Variants in MAMDC2 observed in about 807,000 individuals in gnomAD.
MAMDC2 encodes MAM domain-containing protein 2.
MAMDC2 carries 57 observed loss-of-function variants against 89.8 expected under a neutral mutation model. The ratio of observed to expected loss-of-function variants is 0.63; its 90% CI spans 0.51 to 0.79. The LOEUF (loss-of-function observed/expected upper bound fraction) is 0.79. MAMDC2 is among the 30% of genes least tolerant of loss of function. MAMDC2 has a pLI of 0.00. For synonymous variants in MAMDC2, 313 were observed against 293.4 expected (o/e 1.07, Z -0.68); for missense variants, 800 against 820.6 (o/e 0.97, Z 0.31).
chr9:70,045,351 G>A (rs1484420979), intron 2 of MAMDC2, among the ~76,000 whole-genome samples: 1 of 152,116 alleles, frequency 6.6e-6, no homozygotes, highest in Non-Finnish European at 1.5e-5. Context: ...TAAATGTGGG[G>A]TCTTCTGAAG....
chr9:70,126,823 A>G (rs1403396662), intron 6 of MAMDC2, among the ~76,000 whole-genome samples: 1 of 149,152 alleles, frequency 6.7e-6, no homozygotes, highest in Non-Finnish European at 1.5e-5. Context: ...ACTTGAGTGA[A>G]CTGTTTTTTT....
At chr9:70,124,527 G>T (rs757087055) in intron 5 of MAMDC2, among the ~76,000 whole-genome samples, 1 of 152,084 alleles carries the variant, frequency 6.6e-6, no homozygotes, top group Non-Finnish European at 1.5e-5. Flanking sequence ...CTTCTGCCAT[G>T]TTGAGATGAG....
At chr9:70,194,303 T>A (rs2032937681) in intron 11 of MAMDC2, 1 of 152,108 alleles carries the variant, frequency 6.6e-6, no homozygotes, top group Non-Finnish European at 1.5e-5. Flanking sequence ...ATTTCAGGTG[T>A]TGAAACTTAA....
At chr9:70,164,049 C>A (rs2032081957) in intron 9 of MAMDC2, among the ~76,000 whole-genome samples, 1 of 151,958 alleles carries the variant, frequency 6.6e-6, no homozygotes, top group Non-Finnish European at 1.5e-5. Context: ...ATAATCCACA[C>A]AGCAGTTTTC....
At chr9:70,082,054 C>T (rs1360267128) in intron 2 of MAMDC2, 1 of 152,094 alleles carries the variant, frequency 6.6e-6, no homozygotes, top group African/African-American at 2.4e-5. Flanking sequence ...GTGTCATCCA[C>T]AAGATGAGTG....
At chr9:70,138,360 G>A (rs1563970774) in intron 7 of MAMDC2, among the ~76,000 whole-genome samples, 1 of 152,162 alleles carries the variant, frequency 6.6e-6, no homozygotes, top group Non-Finnish European at 1.5e-5. Context: ...ATAGTGCTAA[G>A]ATAAACATAC....
intron 11 of MAMDC2, among the ~76,000 whole-genome samples, chr9:70,217,903 TATTC>T (rs1468500910): frequency 1.3e-5 from 2 of 152,228 alleles, no homozygotes; most frequent in African/African-American, 4.8e-5. Flanking sequence ...GTTTAGAGAT[TATTC>T]ATTAGACCAG....
intron 11 of MAMDC2, among the ~76,000 whole-genome samples, chr9:70,171,841 T>A (rs1225972514): frequency 2.0e-5 from 3 of 152,024 alleles, no homozygotes; most frequent in Non-Finnish European, 4.4e-5. Context: ...CTAAAAAAAA[T>A]TGCAAAAAAA....
At chr9:70,109,170 CTTCT>C (rs1453619840) in intron 3 of MAMDC2, 1 of 152,564 alleles carries the variant, frequency 6.6e-6, no homozygotes, top group Non-Finnish European at 1.5e-5. Context: ...TCCCATCCCA[CTTCT>C]TTGAAAGGCT....
At chr9:70,061,188 T>G (rs1213268971) in intron 2 of MAMDC2, among the ~76,000 whole-genome samples, 1 of 152,208 alleles carries the variant, frequency 6.6e-6, no homozygotes, top group Non-Finnish European at 1.5e-5. Flanking sequence ...CTGCCATTTA[T>G]CATGGGCCCC....
At chr9:70,147,226 C>A (rs550994714) in intron 9 of MAMDC2, among the ~76,000 whole-genome samples, 2 of 150,316 alleles carry the variant, frequency 1.3e-5, no homozygotes, top group Admixed American at 6.7e-5. Flanking sequence ...CCACTGTGCT[C>A]CAGCCTGGGT....
At chr9:70,047,811 T>C (rs1035380456) in intron 2 of MAMDC2, among the ~76,000 whole-genome samples, 3 of 152,204 alleles carry the variant, frequency 2.0e-5, no homozygotes, top group Admixed American at 6.5e-5. Flanking sequence ...CTGGAGGTAG[T>C]TGGAAAAGTC....
At chr9:70,146,473 C>T (rs1206076316) in intron 9 of MAMDC2, among the ~76,000 whole-genome samples, 1 of 152,102 alleles carries the variant, frequency 6.6e-6, no homozygotes, top group Non-Finnish European at 1.5e-5. Flanking sequence ...AGCAAAAGAA[C>T]CATTTGACAT....
At chr9:70,207,495 A>C (rs1002555050) in intron 11 of MAMDC2, among the ~76,000 whole-genome samples, 2 of 149,968 alleles carry the variant, frequency 1.3e-5, no homozygotes, top group African/African-American at 4.9e-5. Context: ...TTTTCTTGTT[A>C]ATTTGTTTTA....
intron 6 of MAMDC2, 46 bp downstream of exon 6, chr9:70,126,461 C>T (rs1370622480): frequency 1.1e-5 from 18 of 1,574,094 alleles, no homozygotes; most frequent in Non-Finnish European, 1.6e-5. Flanking sequence ...ACTCTTTAGA[C>T]ATGCCACCCA....
intron 11 of MAMDC2, among the ~76,000 whole-genome samples, chr9:70,197,771 ACTGACAT>A: frequency 6.6e-6 from 1 of 152,178 alleles, no homozygotes; most frequent in Non-Finnish European, 1.5e-5. Flanking sequence ...ATCCCCAAAC[ACTGACAT>A]CATCTTCTCC....
intron 6 of MAMDC2, among the ~76,000 whole-genome samples, chr9:70,129,444 T>C (rs1400201353): frequency 6.6e-6 from 1 of 152,186 alleles, no homozygotes; most frequent in Non-Finnish European, 1.5e-5. Flanking sequence ...TCTCGGTATG[T>C]CTTTATCAGC....
At chr9:70,099,556 T>A (rs1471876577) in intron 2 of MAMDC2, among the ~76,000 whole-genome samples, 2 of 152,080 alleles carry the variant, frequency 1.3e-5, no homozygotes, top group Non-Finnish European at 2.9e-5. Context: ...ATCTAGTAGA[T>A]CCCAGAGATG....
At chr9:70,074,949 G>A (rs1288258075) in intron 2 of MAMDC2, among the ~76,000 whole-genome samples, 1 of 152,150 alleles carries the variant, frequency 6.6e-6, no homozygotes, top group Non-Finnish European at 1.5e-5. Flanking sequence ...GAAAAATACA[G>A]TGTTTATTCT....
Sources: allele counts gnomAD v4.1 joint callset (sites outside exome capture counted in the v4.1 genomes callset), GRCh38; gene constraint gnomAD v4.1.1; transcripts MANE v1.5; gene names NCBI Gene and HGNC (gene_info 2026-07-23, HGNC 2026-07-21).